ERC2: variants seen among roughly 807,000 people sequenced by gnomAD.
The protein encoded by ERC2 is ERC protein 2.
In ERC2, 42 loss-of-function variants were observed where a neutral mutation model predicts 114.8. The ratio of observed to expected loss-of-function variants is 0.37; its 90% confidence interval spans 0.29 to 0.47. The LOEUF is 0.47. ERC2 is among the 20% of genes least tolerant of loss of function. The pLI is 0.99. For missense variants in ERC2, 939 were observed against 1,150.7 expected (o/e 0.82, Z 2.66); for synonymous variants, 454 against 425.5 (o/e 1.07, Z -0.82).
chr3:56,424,884 T>G (rs959063905), intron 2 of ERC2, among the ~76,000 whole-genome samples: 1 of 152,314 alleles, frequency 6.6e-6, no homozygotes, highest in Non-Finnish European at 1.5e-5. Flanking sequence ...CGTGTGTTTA[T>G]GTAACATTGG....
chr3:55,656,496 G>A (rs1193640395), intron 17 of ERC2, among the ~76,000 whole-genome samples: 1 of 152,060 alleles, frequency 6.6e-6, no homozygotes, highest in African/African-American at 2.4e-5. Flanking sequence ...CATCACCCAG[G>A]CCTGGCCTTG....
In ERC2 at chr3:55,568,943, A is replaced by AG. The variant is rs2056539585; in HGVS notation, c.*40-57668dup. 2.0e-5 allele frequency among the ~76,000 whole-genome samples: 3 copies of AG among 152,138 alleles called. No homozygotes were observed. In the South Asian group the frequency reaches 6.2e-4, roughly 32 times the overall value. On this transcript the variant is annotated intron_variant, in intron 17 of 17. Transcript: ENST00000288221. ...CACGTGCTAGGCACAGTCTCACCTCAGGGGCTTTGCATGTGCTCTTCTCAC... is the reference window on the plus strand; with the variant it reads ...CACGTGCTAGGCACAGTCTCACCTCAGGGGGCTTTGCATGTGCTCTTCTCAC...
rs183732297 is a variant in ERC2 at position 55,950,398 on chromosome 3, C to T, written c.2403+27G>A. 6.0e-4 allele frequency: 973 copies of T among 1,610,540 alleles called. 1 individual carries two copies. The highest frequency in any genetic ancestry group is 7.5e-4 in the Non-Finnish European group (885 of 1,178,138). ...AGAGAGTCCATCTCTAGTTATTTAG[C>T]GATTAAGAAGAGAAGCCTGTGCTTA... is the stretch of plus-strand genomic sequence containing the variant. On this transcript the variant is annotated intron_variant, in intron 13 of 17. Coordinates refer to ENST00000288221, the MANE Select transcript of ERC2 (RefSeq NM_015576.3).
intron 2 of ERC2, among the ~76,000 whole-genome samples, chr3:56,299,472 C>T (rs1169732948): frequency 6.6e-6 from 1 of 151,380 alleles, no homozygotes; most frequent in African/African-American, 2.4e-5. Flanking sequence ...ACTCAGTCCC[C>T]AGGCTGAAGT....
chr3:55,651,956 C>A (rs917490436), intron 17 of ERC2, among the ~76,000 whole-genome samples: 4 of 152,246 alleles, frequency 2.6e-5, no homozygotes, highest in African/African-American at 9.6e-5. Context: ...GCTCCAAAGC[C>A]TGCTTGGTCA....
At chr3:55,857,017 G>T (rs2061816579) in intron 14 of ERC2, among the ~76,000 whole-genome samples, 1 of 151,946 alleles carries the variant, frequency 6.6e-6, no homozygotes, top group Admixed American at 6.6e-5. Context: ...AAGGAAAAGG[G>T]GTAATAGACA....
chr3:55,997,184 C>A (rs2071587019), intron 10 of ERC2, among the ~76,000 whole-genome samples: 1 of 152,094 alleles, frequency 6.6e-6, no homozygotes, highest in Non-Finnish European at 1.5e-5. Flanking sequence ...TTAATCATGA[C>A]CATAAAATAA....
chr3:56,112,851 C>T (rs1346888053), intron 6 of ERC2, among the ~76,000 whole-genome samples: 1 of 152,062 alleles, frequency 6.6e-6, no homozygotes, highest in Admixed American at 6.6e-5. Context: ...TCCTCTGATG[C>T]CTGCAAATAT....
intron 2 of ERC2, among the ~76,000 whole-genome samples, chr3:56,411,724 G>A (rs2060947088): frequency 6.6e-6 from 1 of 152,104 alleles, no homozygotes; most frequent in Non-Finnish European, 1.5e-5. Flanking sequence ...GGCCCAGAAG[G>A]GTTTGGTGAC....
intron 4 of ERC2, among the ~76,000 whole-genome samples, 165 bp from the exon 5 acceptor site, chr3:56,149,297 T>A (rs895120737): frequency 1.3e-5 from 2 of 152,090 alleles, no homozygotes; most frequent in African/African-American, 4.8e-5. Context: ...CAGCTGAGGG[T>A]CATTTGTGAG....
intron 4 of ERC2, among the ~76,000 whole-genome samples, chr3:56,161,175 T>C (rs768451729): frequency 5.9e-5 from 9 of 152,194 alleles, no homozygotes; most frequent in African/African-American, 9.6e-5. Context: ...GCTTTTCATG[T>C]GATGTACCTG....
intron 13 of ERC2, among the ~76,000 whole-genome samples, chr3:55,947,922 G>A (rs2067235447): frequency 6.6e-6 from 1 of 152,142 alleles, no homozygotes; most frequent in Admixed American, 6.5e-5. Flanking sequence ...TAAAAGCCTA[G>A]ACCCTGAAGA....
intron 2 of ERC2, among the ~76,000 whole-genome samples, chr3:56,332,573 G>T (rs2057674220): frequency 6.6e-6 from 1 of 152,176 alleles, no homozygotes. Context: ...ATCAGGAATT[G>T]TTTCCATCAA....
At chr3:56,131,289 A>C (rs1363686004) in intron 6 of ERC2, among the ~76,000 whole-genome samples, 3 of 152,208 alleles carry the variant, frequency 2.0e-5, no homozygotes, top group Non-Finnish European at 4.4e-5. Context: ...TGAAGCCAAC[A>C]GCAGGATTAG....
chr3:55,699,007 G>A (rs1208697923), intron 16 of ERC2, among the ~76,000 whole-genome samples: 2 of 152,218 alleles, frequency 1.3e-5, no homozygotes, highest in Non-Finnish European at 1.5e-5. Flanking sequence ...AGTGCTCAGC[G>A]AACTCAAGGC....
intron 4 of ERC2, among the ~76,000 whole-genome samples, chr3:56,158,133 T>C (rs1199640747): frequency 1.3e-5 from 2 of 152,164 alleles, no homozygotes; most frequent in African/African-American, 4.8e-5. Flanking sequence ...AGAGTCCAAA[T>C]TGCCAGTCAT....
At chr3:55,725,252 G>T (rs1383163262) in intron 15 of ERC2, among the ~76,000 whole-genome samples, 1 of 152,186 alleles carries the variant, frequency 6.6e-6, no homozygotes, top group African/African-American at 2.4e-5. Context: ...CAATGGTAAA[G>T]TTGATCTTTT....
At chr3:55,756,799 C>T (rs1334032757) in intron 14 of ERC2, among the ~76,000 whole-genome samples, 1 of 152,084 alleles carries the variant, frequency 6.6e-6, no homozygotes, top group African/African-American at 2.4e-5. Context: ...CGCCTACCAC[C>T]CCATCCCCTT....
At chr3:55,708,816 A>C (rs972740243) in intron 15 of ERC2, among the ~76,000 whole-genome samples, 3 of 151,860 alleles carry the variant, frequency 2.0e-5, no homozygotes, top group African/African-American at 7.3e-5. Flanking sequence ...GGAATAAATA[A>C]AGGAAGGAAG....
Sources: gnomAD v4.1 joint callset for allele counts (sites outside exome capture counted in the v4.1 genomes callset) on GRCh38, gnomAD v4.1.1 for gene constraint, MANE v1.5 for transcripts, NCBI Gene and HGNC (gene_info 2026-07-23, HGNC 2026-07-21) for gene names.